The following LHFPL3 variants were observed in gnomAD, a reference collection of about 807,000 sequenced individuals.
The protein encoded by LHFPL3 is LHFPL tetraspan subfamily member 3.
A neutral mutation model predicts 19.3 loss-of-function variants in LHFPL3; 5 were observed. The ratio of observed to expected loss-of-function variants is 0.26; its 90% CI spans 0.14 to 0.54. LHFPL3 has a LOEUF of 0.54. Ranked by LOEUF, LHFPL3 falls within the 20% of genes least tolerant of loss-of-function variation. The pLI is 0.94. For synonymous variants in LHFPL3, 133 were observed against 126.2 expected (o/e 1.05, Z -0.36); for missense variants, 249 against 307.4 (o/e 0.81, Z 1.42).
chr7:104,729,215 T>C (rs978244732), intron 1 of LHFPL3, among the ~76,000 whole-genome samples: 2 of 152,216 alleles, frequency 1.3e-5, no homozygotes, highest in African/African-American at 2.4e-5. Context: ...GTGGTAAGCA[T>C]AATTTCAAGA....
intron 1 of LHFPL3, among the ~76,000 whole-genome samples, chr7:104,615,585 A>T (rs1791316563): frequency 6.6e-6 from 1 of 152,200 alleles, no homozygotes; most frequent in East Asian, 1.9e-4. Flanking sequence ...CAGGTTTGTT[A>T]CATAGGTATA....
At chr7:104,685,375 GAA>G (rs537543933) in intron 1 of LHFPL3, among the ~76,000 whole-genome samples, 48 of 152,220 alleles carry the variant, frequency 3.2e-4, no homozygotes, top group African/African-American at 1.1e-3. Flanking sequence ...TAGAATTTTA[GAA>G]ATCTATATAG....
At chr7:104,570,373 A>G (rs1790209977) in intron 1 of LHFPL3, among the ~76,000 whole-genome samples, 1 of 152,208 alleles carries the variant, frequency 6.6e-6, no homozygotes, top group South Asian at 2.1e-4. Flanking sequence ...ACCCAAAAGA[A>G]TGACCTTCAA....
chr7:104,532,888 A>C (rs1413975470), intron 1 of LHFPL3, among the ~76,000 whole-genome samples: 1 of 152,236 alleles, frequency 6.6e-6, no homozygotes, highest in Non-Finnish European at 1.5e-5. Flanking sequence ...TTATGAGTTG[A>C]GTAATTTATG....
At chr7:104,643,480 C>G (rs115020108) in intron 1 of LHFPL3, among the ~76,000 whole-genome samples, 1 of 152,160 alleles carries the variant, frequency 6.6e-6, no homozygotes, top group Non-Finnish European at 1.5e-5. Flanking sequence ...GATACCTACA[C>G]TGTATATTTT....
chr7:104,801,547 TTGTA>T (rs1413102506), intron 2 of LHFPL3, among the ~76,000 whole-genome samples: 1 of 152,088 alleles, frequency 6.6e-6, no homozygotes, highest in Non-Finnish European at 1.5e-5. Flanking sequence ...TTTTTTGTTT[TTGTA>T]TGTTTGTTTG....
At chr7:104,452,699 C>G (rs1347710694) in intron 1 of LHFPL3, among the ~76,000 whole-genome samples, 2 of 151,998 alleles carry the variant, frequency 1.3e-5, no homozygotes, top group East Asian at 3.9e-4. Flanking sequence ...GAATTACCTG[C>G]TTATACTCTT....
chr7:104,330,019 T>C (rs1801540096), intron 1 of LHFPL3, among the ~76,000 whole-genome samples: 1 of 151,858 alleles, frequency 6.6e-6, no homozygotes, highest in Admixed American at 6.6e-5. Context: ...GCATCTCCGA[T>C]CACTCTTTCC....
At chr7:104,631,055 A>G (rs1584450519) in intron 1 of LHFPL3, among the ~76,000 whole-genome samples, 2 of 152,162 alleles carry the variant, frequency 1.3e-5, no homozygotes, top group African/African-American at 4.8e-5. Flanking sequence ...TTGTGTAACA[A>G]GAAAAGCTGT....
chr7:104,794,727 G>A (rs185473962), intron 2 of LHFPL3, among the ~76,000 whole-genome samples: 164 of 152,272 alleles, frequency 1.1e-3, no homozygotes, highest in Middle Eastern at 3.4e-3. Context: ...GACCTGCACC[G>A]TGACTGATTG....
chr7:104,628,962 A>G (rs1791594122), intron 1 of LHFPL3, among the ~76,000 whole-genome samples: 1 of 152,230 alleles, frequency 6.6e-6, no homozygotes, highest in Non-Finnish European at 1.5e-5. Context: ...CCTATCAAAC[A>G]TTAACTTAAA....
chr7:104,677,553 C>T (rs1285554929), intron 1 of LHFPL3, among the ~76,000 whole-genome samples: 10 of 152,154 alleles, frequency 6.6e-5, no homozygotes, highest in Admixed American at 6.5e-5. Flanking sequence ...TTTTCTACCA[C>T]ATGTTTTTTA....
At chr7:104,467,100 A>G (rs1792803586) in intron 1 of LHFPL3, among the ~76,000 whole-genome samples, 1 of 152,082 alleles carries the variant, frequency 6.6e-6, no homozygotes, top group African/African-American at 2.4e-5. Context: ...CTTTACTTGC[A>G]TCTATGAAGT....
intron 1 of LHFPL3, among the ~76,000 whole-genome samples, chr7:104,546,839 C>A (rs1020161985): frequency 1.3e-5 from 2 of 152,110 alleles, no homozygotes; most frequent in African/African-American, 4.8e-5. Context: ...TTACTCTGAG[C>A]CAGTTTTCTC....
chr7:104,549,464 C>G (rs1794629612), intron 1 of LHFPL3, among the ~76,000 whole-genome samples: 1 of 150,788 alleles, frequency 6.6e-6, no homozygotes, highest in Admixed American at 6.6e-5. Flanking sequence ...CACACACACA[C>G]ACACACACAC....
At chr7:104,471,631 T>C (rs2115617876) in intron 1 of LHFPL3, among the ~76,000 whole-genome samples, 1 of 152,342 alleles carries the variant, frequency 6.6e-6, no homozygotes, top group African/African-American at 2.4e-5. Context: ...GAATCTCAGA[T>C]AAAATGTTTT....
chr7:104,702,252 G>A (rs1203248771), intron 1 of LHFPL3, among the ~76,000 whole-genome samples: 1 of 152,078 alleles, frequency 6.6e-6, no homozygotes, highest in Non-Finnish European at 1.5e-5. Context: ...ACTCTTCGGA[G>A]GATATTAATC....
chr7:104,346,140 A>G (rs1790061029), intron 1 of LHFPL3, among the ~76,000 whole-genome samples: 3 of 151,020 alleles, frequency 2.0e-5, no homozygotes, highest in Admixed American at 1.3e-4. Flanking sequence ...GGTTCAAGCA[A>G]TTCTTCTGTC....
Position 104,496,002 on chromosome 7 carries a change from A to G in LHFPL3, c.445+166778A>G, listed in dbSNP as rs549637742. ...TTTTTTAATACTTTTAAGTTTTAGG[A>G]TACATGTGCACAACGTGCAGGTTTG... On this transcript the variant is annotated intron_variant, in intron 1 of 2. Transcript: ENST00000424859. 1.4e-3 allele frequency among the ~76,000 whole-genome samples: 220 copies of G among 152,186 alleles called. 2 individuals carry two copies. The highest frequency in any genetic ancestry group is 8.3e-3 in the South Asian group (40 of 4,814).
Sources: gnomAD v4.1 joint callset for allele counts (sites outside exome capture counted in the v4.1 genomes callset) on GRCh38, gnomAD v4.1.1 for gene constraint, MANE v1.5 for transcripts, NCBI Gene and HGNC (gene_info 2026-07-23, HGNC 2026-07-21) for gene names.